TRIM24: variants seen among roughly 807,000 people sequenced by gnomAD.
The protein encoded by TRIM24 is tripartite motif containing 24.
TRIM24 carries 29 observed loss-of-function variants against 123.9 expected under a neutral mutation model. That is an observed-to-expected ratio of 0.23 (90% CI 0.17 to 0.32). The LOEUF is 0.32. Ranked by LOEUF, TRIM24 falls within the 10% of genes least tolerant of loss-of-function variation. The pLI is 1.00. For synonymous variants in TRIM24, 456 were observed against 461.1 expected (o/e 0.99, Z 0.14); for missense variants, 932 against 1,295.3 (o/e 0.72, Z 4.31).
Position 138,584,923 on chromosome 7 carries a change from G to A in TRIM24, c.3125G>A (p.Ser1042Asn), listed in dbSNP as rs374462676. ...CAGCCCCGGAAGAAACGCCTCAAAA[G>A]CATTGAAGAACGCCAGTTGCTTAAA... is the stretch of plus-strand genomic sequence containing the variant. ...FVQPRKKRLKSIEERQLLK is the reference protein window; with the variant it reads ...FVQPRKKRLKNIEERQLLK The change falls in exon 19 of 19, where the codon AGC becomes AAC. Residue 1042 changes from serine (S) to asparagine (N), a missense_variant. Ser to Asn is a conservative substitution (Grantham distance 46, BLOSUM62 1). This residue lies in a region of TRIM24 where 104 missense variants were observed against 121.5 expected (regional missense o/e 0.86). Coordinates refer to ENST00000343526, the MANE Select transcript of TRIM24 (RefSeq NM_015905.3). 18 of 1,611,584 alleles carry A rather than the reference G, an allele frequency of 1.1e-5. No individual in the cohort carries two copies. In the African/African-American group the frequency reaches 2.4e-4, roughly 22 times the overall value.
Position 138,578,709 on chromosome 7 carries a change from G to A in TRIM24, c.2257-495G>A, listed in dbSNP as rs191200758. On this transcript the variant is annotated intron_variant, in intron 14 of 18. Coordinates refer to ENST00000343526, the MANE Select transcript of TRIM24 (RefSeq NM_015905.3). ...AGAAATATGGAGGTAAACAGCAGAAGAAAAAGCTAGGTTTGAAAATAGTTC... is the reference window on the plus strand; with the variant it reads ...AGAAATATGGAGGTAAACAGCAGAAAAAAAAGCTAGGTTTGAAAATAGTTC... Among the ~76,000 whole-genome samples, 1,453 of 152,276 alleles carry A rather than the reference G, an allele frequency of 9.5e-3. 19 individuals are homozygous for A. The highest frequency in any genetic ancestry group is 0.013 in the Non-Finnish European group (886 of 68,008).
intron 2 of TRIM24, among the ~76,000 whole-genome samples, chr7:138,513,760 G>A (rs1159406609): frequency 6.6e-6 from 1 of 152,154 alleles, no homozygotes; most frequent in East Asian, 1.9e-4. Context: ...CATCTTTCTT[G>A]AATAAGCAGT....
At position 138,460,402 on chromosome 7, in the gene TRIM24, G is replaced by A. The variant is rs1306657885; in HGVS notation, c.-147G>A. The A allele has an allele frequency of 2.3e-6, 2 of 874,508 alleles. No homozygotes were observed. Among genetic ancestry groups the A allele is most frequent in the Non-Finnish European group, 3.0e-6 (2 of 660,338 alleles). 54.2% of individuals were successfully genotyped at this position (874,508 alleles called of 1,614,324 possible). A position where few individuals can be genotyped will look rare whatever the true frequency, so the allele number is the denominator to read the frequency against. The stretch of plus-strand genomic sequence containing the variant: ...CCGTGGGCCTGAGGAGGCTTCCCCC[G>A]CCCGGTTTGCTTTCCCTCCCTCGCT... On this transcript the variant is annotated 5_prime_UTR_variant, in exon 1 of 19. Transcript: ENST00000343526.
At chr7:138,477,469 A>C (rs1203478642) in intron 1 of TRIM24, among the ~76,000 whole-genome samples, 6 of 152,216 alleles carry the variant, frequency 3.9e-5, no homozygotes, top group Admixed American at 6.5e-5. Flanking sequence ...GTTTTATGAA[A>C]CTGAACAAAT....
intron 1 of TRIM24, chr7:138,491,010 A>G (rs148158021): frequency 7.3e-4 from 177 of 242,690 alleles, no homozygotes; most frequent in African/African-American, 3.9e-3. Flanking sequence ...ATGAGCTTCA[A>G]TCATGGTGTG....
chr7:138,519,615 C>G (rs966656722), intron 4 of TRIM24, among the ~76,000 whole-genome samples: 14 of 152,264 alleles, frequency 9.2e-5, no homozygotes, highest in Admixed American at 9.2e-4. Context: ...AAATGTGGCT[C>G]CAGACATTGG....
intron 5 of TRIM24, among the ~76,000 whole-genome samples, chr7:138,528,533 T>C (rs1261045816): frequency 3.1e-4 from 47 of 152,258 alleles, no homozygotes; most frequent in Non-Finnish European, 7.4e-5. Flanking sequence ...TTTTTTTCTT[T>C]AATTTCCCAC....
rs1167086736 is a variant in TRIM24, at chr7:138,573,519, A to G, written c.1891A>G (p.Ser631Gly). ...CTTTTCTTGTAAGATTGACTGTTCA[A>G]GTACTATTATGCTGGACAATATTGT... Reference protein sequence around the residue: ...LPSLPDIDCSSTIMLDNIVRK... With the variant: ...LPSLPDIDCSGTIMLDNIVRK... The change falls in exon 12 of 19, where the codon AGT becomes GGT. Residue 631 changes from serine (S) to glycine (G), a missense_variant. Transcript: ENST00000343526. The G allele has an allele frequency of 6.3e-7, 1 of 1,594,644 alleles. No homozygotes were observed. Among genetic ancestry groups the G allele is most frequent in the Non-Finnish European group, 8.5e-7 (1 of 1,172,388 alleles).
intron 1 of TRIM24, among the ~76,000 whole-genome samples, chr7:138,466,044 C>T (rs1397423441): frequency 6.6e-6 from 1 of 152,218 alleles, no homozygotes; most frequent in Non-Finnish European, 1.5e-5. Flanking sequence ...CACTCTGTCG[C>T]CCAGGCTGGA....
chr7:138,552,362 G>C (rs550070228), intron 8 of TRIM24, among the ~76,000 whole-genome samples: 9 of 152,076 alleles, frequency 5.9e-5, no homozygotes, highest in Non-Finnish European at 1.2e-4. Context: ...GGTAACATTA[G>C]GAAGAAAAGT....
At position 138,530,185 on chromosome 7, in the gene TRIM24, A is replaced by G. The variant is rs141327577; in HGVS notation, c.996+955A>G. Reference sequence around the variant, plus strand: ...GGAAGTATTCTGGGCAGGAACAATCAGACCCCATTTATAGTAACTATTTGT... The same window carrying G: ...GGAAGTATTCTGGGCAGGAACAATCGGACCCCATTTATAGTAACTATTTGT... On this transcript the variant is annotated intron_variant, in intron 6 of 18. Transcript: ENST00000343526. 2.4e-3 allele frequency among the ~76,000 whole-genome samples: 365 copies of G among 152,214 alleles called. 3 individuals are homozygous for G. Among genetic ancestry groups the G allele is most frequent in the African/African-American group, 8.3e-3 (346 of 41,532 alleles).
At chr7:138,490,971 TA>T in intron 1 of TRIM24, 1 of 300,938 alleles carries the variant, frequency 3.3e-6, no homozygotes, top group Non-Finnish European at 6.4e-6. Context: ...ATGAAACAAG[TA>T]ATCATAAGTA....
At chr7:138,553,248 T>A (rs1797248040) in intron 8 of TRIM24, among the ~76,000 whole-genome samples, 1 of 152,190 alleles carries the variant, frequency 6.6e-6, no homozygotes, top group Non-Finnish European at 1.5e-5. Context: ...CCTAAACTTG[T>A]TACCCATGGC....
In TRIM24 at chr7:138,504,444, GC is replaced by G. The variant is rs1796105209; in HGVS notation, c.483+37del. 2.1e-3 allele frequency: 1,298 copies of G among 624,478 alleles called. 35 individuals carry two copies. The highest frequency in any genetic ancestry group is 4.5e-3 in the East Asian group (128 of 28,132). 38.7% of individuals were successfully genotyped at this position (624,478 alleles called of 1,614,324 possible). A position where few individuals can be genotyped will look rare whatever the true frequency, so the allele number is the denominator to read the frequency against. On this transcript the variant is annotated intron_variant, in intron 2 of 18. Transcript: ENST00000343526. ...TACATCTTGAACCTTTTGCCTGCCA[GC>G]TCTTTTTTTTTTTTTTTTTTTTTTT... is the stretch of plus-strand genomic sequence containing the variant.
intron 6 of TRIM24, among the ~76,000 whole-genome samples, chr7:138,537,202 G>C (rs1032874393): frequency 6.6e-6 from 1 of 151,818 alleles, no homozygotes; most frequent in African/African-American, 2.4e-5. Flanking sequence ...GCTCACACTC[G>C]GTGCACTGTA....
At chr7:138,503,986 G>A (rs1010639109) in intron 1 of TRIM24, among the ~76,000 whole-genome samples, 4 of 152,194 alleles carry the variant, frequency 2.6e-5, no homozygotes, top group East Asian at 3.9e-4. Context: ...GGTTCTGTAC[G>A]TTTCTGTTGG....
At chr7:138,497,686 C>T (rs572928976) in intron 1 of TRIM24, among the ~76,000 whole-genome samples, 4 of 151,814 alleles carry the variant, frequency 2.6e-5, no homozygotes, top group African/African-American at 4.8e-5. Context: ...TGAATCACCG[C>T]GCCCAGCCTG....
intron 6 of TRIM24, among the ~76,000 whole-genome samples, chr7:138,530,873 C>T (rs1446631904): frequency 6.6e-6 from 1 of 152,118 alleles, no homozygotes; most frequent in African/African-American, 2.4e-5. Context: ...AATCTTCCCA[C>T]CCCAGTCTCC....
chr7:138,538,915 C>A (rs574851289), intron 7 of TRIM24, 112 bp downstream of exon 7: 2 of 935,370 alleles, frequency 2.1e-6, no homozygotes, highest in South Asian at 6.1e-5. Flanking sequence ...TTACCTATTT[C>A]TAATATCTAT....
Sources: allele counts gnomAD v4.1 joint callset (sites outside exome capture counted in the v4.1 genomes callset), GRCh38; gene constraint gnomAD v4.1.1; regional missense constraint gnomAD v4.1.1; transcripts MANE v1.5; gene names NCBI Gene and HGNC (gene_info 2026-07-23, HGNC 2026-07-21).